The following PDXDC1 variants were observed in gnomAD, a reference collection of about 807,000 sequenced individuals.
PDXDC1 encodes pyridoxal-dependent decarboxylase domain-containing protein 1.
In PDXDC1, 42 loss-of-function variants were observed where a neutral mutation model predicts 100.1. That is an observed-to-expected ratio of 0.42 (90% CI 0.33 to 0.54). PDXDC1 has a LOEUF of 0.54. Among genes scored for constraint, PDXDC1 ranks in the 20% least tolerant of loss-of-function variants. The pLI, the probability that PDXDC1 is intolerant of heterozygous loss-of-function variation, is 0.10. For missense variants in PDXDC1, 636 were observed against 979.2 expected (o/e 0.65, Z 4.68); for synonymous variants, 260 against 371.7 (o/e 0.70, Z 3.46).
At chr16:15,063,828 C>T (rs1045665503) in intron 16 of PDXDC1, among the ~76,000 whole-genome samples, 30 of 152,048 alleles carry the variant, frequency 2.0e-4, no homozygotes, top group African/African-American at 1.7e-4. Flanking sequence ...ATTGAACTAC[C>T]GTTTTTCATC....
At chr16:15,133,450 G>T (rs2048204719) in intron 16 of PDXDC1, 7 of 940,796 alleles carry the variant, frequency 7.4e-6, no homozygotes, top group South Asian at 6.9e-5. Flanking sequence ...GTGGTGAGCA[G>T]GTGGCAGTCT....
chr16:15,075,595 A>T (rs554394824), intron 16 of PDXDC1, among the ~76,000 whole-genome samples: 1 of 152,120 alleles, frequency 6.6e-6, no homozygotes, highest in South Asian at 2.1e-4. Flanking sequence ...AAAGAAAAGA[A>T]AGAAAGAAAT....
At chr16:15,128,216 A>C in intron 16 of PDXDC1, 1 of 1,611,268 alleles carries the variant, frequency 6.2e-7, no homozygotes, top group Non-Finnish European at 8.5e-7. Flanking sequence ...CAGGGTCCGC[A>C]CAGACCTTTG....
At chr16:14,983,099 C>T (rs1259605342) in intron 1 of PDXDC1, among the ~76,000 whole-genome samples, 1 of 152,212 alleles carries the variant, frequency 6.6e-6, no homozygotes, top group Non-Finnish European at 1.5e-5. Context: ...CTTTAGTTAG[C>T]CCTAAGAGGC....
At chr16:15,135,832 G>C in intron 16 of PDXDC1, 1 of 1,478,296 alleles carries the variant, frequency 6.8e-7, no homozygotes, top group Non-Finnish European at 9.5e-7. Flanking sequence ...TGGCCTGGAT[G>C]CTCCGTGCCA....
At chr16:15,039,261 G>A (rs144911207), downstream of PDXDC1, among the ~76,000 whole-genome samples, 18 of 152,286 alleles carry the variant, frequency 1.2e-4, no homozygotes, top group East Asian at 3.5e-3. Context: ...AACTAGGCCT[G>A]TTACACTCCT....
chr16:15,031,680 C>A, intron 16 of PDXDC1, 55 bp from the exon 17 acceptor site: 1 of 1,489,302 alleles, frequency 6.7e-7, no homozygotes, highest in South Asian at 1.1e-5. Context: ...GGAGCCCTGC[C>A]CTCTTGTCAT....
At chr16:15,007,292 T>G (rs1400859412) in intron 6 of PDXDC1, among the ~76,000 whole-genome samples, 1 of 147,698 alleles carries the variant, frequency 6.8e-6, no homozygotes, top group African/African-American at 2.5e-5. Flanking sequence ...TGCCTCAGCC[T>G]CCCAAGTAGC....
At chr16:15,082,142 G>A (rs570824382) in intron 16 of PDXDC1, among the ~76,000 whole-genome samples, 1 of 152,248 alleles carries the variant, frequency 6.6e-6, no homozygotes, top group South Asian at 2.1e-4. Flanking sequence ...AGCAAGAGCG[G>A]ACATCCTTGT....
At chr16:14,992,377 A>G (rs1971047678) in intron 1 of PDXDC1, among the ~76,000 whole-genome samples, 1 of 152,292 alleles carries the variant, frequency 6.6e-6, no homozygotes, top group Admixed American at 6.5e-5. Flanking sequence ...CGTTGGGAGC[A>G]TGAAGGTGTG....
intron 16 of PDXDC1, among the ~76,000 whole-genome samples, chr16:15,088,206 C>G (rs2045984282): frequency 6.6e-6 from 1 of 152,074 alleles, no homozygotes; most frequent in South Asian, 2.1e-4. Flanking sequence ...GGAACAGTGG[C>G]TCATGCCTGT....
At chr16:15,131,018 C>T (rs1350348009) in intron 16 of PDXDC1, 8 of 1,115,242 alleles carry the variant, frequency 7.2e-6, no homozygotes, top group Non-Finnish European at 1.1e-5. Flanking sequence ...CCATGGAAGC[C>T]CTACGAGAAA....
At chr16:15,004,019 A>G (rs550644274) in intron 4 of PDXDC1, among the ~76,000 whole-genome samples, 168 bp from the exon 5 acceptor site, 1 of 152,404 alleles carries the variant, frequency 6.6e-6, no homozygotes, top group East Asian at 1.9e-4. Flanking sequence ...CCATCTCAAA[A>G]AATAGAAAAA....
At position 15,033,267 on chromosome 16, in the gene PDXDC1, T is replaced by TA; in HGVS notation, c.1691-10dup. 1 of 1,614,112 alleles carries TA rather than the reference T, an allele frequency of 6.2e-7. No homozygotes were observed. The highest frequency in any genetic ancestry group is 8.5e-7 in the Non-Finnish European group (1 of 1,179,960). ...ACTGAGAAACTCAAGTTTGTCTCGTTACCTTTGCAGGCCCTGAGTATAAGA... is the reference window on the plus strand; with the variant it reads ...ACTGAGAAACTCAAGTTTGTCTCGTTAACCTTTGCAGGCCCTGAGTATAAGA... On this transcript the variant is annotated splice_polypyrimidine_tract_variant and intron_variant, in intron 18 of 22. Coordinates refer to ENST00000396410, the MANE Select transcript of PDXDC1 (RefSeq NM_015027.4).
chr16:15,141,716 C>G (rs1174128262), downstream of PDXDC1, among the ~76,000 whole-genome samples: 2 of 152,206 alleles, frequency 1.3e-5, no homozygotes, highest in Non-Finnish European at 2.9e-5. Flanking sequence ...TGGGTGGGCC[C>G]ACAGCCACGC....
intron 16 of PDXDC1, chr16:15,132,749 T>C (rs575367178): frequency 1.3e-5 from 15 of 1,132,662 alleles, no homozygotes; most frequent in Non-Finnish European, 1.8e-5. Flanking sequence ...AGCAGCGATC[T>C]GCTGGATGTC....
Position 15,092,762 on chromosome 16 carries a change from T to C in PDXDC1, c.1400-46117T>C, listed in dbSNP as rs566083841. On this transcript the variant is annotated intron_variant, in intron 16 of 16. Transcript: ENST00000535621. ...TGCTTCCACTCTTAACCAACAATCCTTCCTTTGCTCAGCAACCAATAACTG... is the reference window on the plus strand; with the variant it reads ...TGCTTCCACTCTTAACCAACAATCCCTCCTTTGCTCAGCAACCAATAACTG... The C allele has an allele frequency of 3.8e-4, 241 of 628,096 alleles. 1 individual carries two copies. In the African/African-American group the frequency reaches 4.1e-3, roughly 11 times the overall value. The allele number at this position is 628,096 out of a possible 1,614,324, so 38.9% of individuals were successfully genotyped here. A position where few individuals can be genotyped will look rare whatever the true frequency, so the allele number is the denominator to read the frequency against.
chr16:15,135,779 C>T (rs1598277770), intron 16 of PDXDC1: 12 of 1,593,838 alleles, frequency 7.5e-6, no homozygotes, highest in Non-Finnish European at 1.0e-5. Context: ...GTATGAGCCA[C>T]CCTCAGTGAT....
chr16:15,037,723 A>G lies in PDXDC1; in HGVS notation c.*1448A>G, dbSNP rs577260897. 4.1e-6 allele frequency: 1 copy of G among 242,956 alleles called. No homozygotes were observed. Among genetic ancestry groups the G allele is most frequent in the Non-Finnish European group, 7.8e-6 (1 of 128,324 alleles). 15.1% of individuals were successfully genotyped at this position (242,956 alleles called of 1,614,324 possible). A position where few individuals can be genotyped will look rare whatever the true frequency, so the allele number is the denominator to read the frequency against. On this transcript the variant is annotated 3_prime_UTR_variant, in exon 23 of 23. Transcript: ENST00000396410. The stretch of plus-strand genomic sequence containing the variant: ...CAGTTTATAAATCTTATTACAAAAG[A>G]CTTACCCACGTACCTGAAATAGCTG...
Sources: gnomAD v4.1 joint callset for allele counts (sites outside exome capture counted in the v4.1 genomes callset) on GRCh38, gnomAD v4.1.1 for gene constraint, MANE v1.5 for transcripts, NCBI Gene and HGNC (gene_info 2026-07-23, HGNC 2026-07-21) for gene names.